Variants in DCDC1 observed in about 807,000 individuals in gnomAD.
DCDC1 encodes the protein doublecortin domain containing 1.
DCDC1 carries 200 observed loss-of-function variants against 178.3 expected under a neutral mutation model. That is an observed-to-expected ratio of 1.12 (90% CI 1.00 to 1.26). The LOEUF (loss-of-function observed/expected upper bound fraction) is 1.26, where lower values mean the gene tolerates loss of function less well. Among genes scored for constraint, DCDC1 ranks in the 50% most tolerant of loss-of-function variants. The pLI, the probability that DCDC1 is intolerant of heterozygous loss-of-function variation, is 0.00. For synonymous variants in DCDC1, 690 were observed against 604.8 expected (o/e 1.14, Z -2.07); for missense variants, 1,983 against 1,749.2 (o/e 1.13, Z -2.38).
At chr11:31,244,192 C>T (rs1352455680) in intron 8 of DCDC1, among the ~76,000 whole-genome samples, 1 of 151,658 alleles carries the variant, frequency 6.6e-6, no homozygotes, top group African/African-American at 2.4e-5. Context: ...AAAGGAGCCT[C>T]GGCCTAAAAC....
At position 30,953,650 on chromosome 11, in the gene DCDC1, C is replaced by T. The variant is rs543431782; in HGVS notation, c.2592-1082G>A. ...GAAAGTAGACCCTCAGCAGAATGGT[C>T]CAAAGAAGTGTTTTTCAGTTTGGCA... On this transcript the variant is annotated intron_variant, in intron 20 of 38. Coordinates refer to ENST00000684477, the MANE Select transcript of DCDC1 (RefSeq NM_001387274.1). Among the ~76,000 whole-genome samples the T allele has an allele frequency of 2.0e-5, 3 of 152,122 alleles. No individual in the cohort carries two copies. In the South Asian group the frequency reaches 6.2e-4, roughly 32 times the overall value.
chr11:31,260,940 T>C (rs918721625), intron 8 of DCDC1, among the ~76,000 whole-genome samples: 2 of 152,172 alleles, frequency 1.3e-5, no homozygotes, highest in African/African-American at 4.8e-5. Flanking sequence ...AGAAGTTTGG[T>C]TAATAAATAT....
intron 2 of DCDC1, among the ~76,000 whole-genome samples, chr11:31,331,014 C>G (rs1949951949): frequency 6.6e-6 from 1 of 152,178 alleles, no homozygotes; most frequent in Non-Finnish European, 1.5e-5. Context: ...TTGATTCTTC[C>G]TATCCATGAG....
chr11:31,139,933 C>A (rs1963612483), intron 9 of DCDC1, among the ~76,000 whole-genome samples: 1 of 152,202 alleles, frequency 6.6e-6, no homozygotes, highest in Non-Finnish European at 1.5e-5. Flanking sequence ...AGGATACACA[C>A]ATGGGTCCTT....
At chr11:31,218,335 A>G (rs545713771) in intron 9 of DCDC1, among the ~76,000 whole-genome samples, 1 of 152,276 alleles carries the variant, frequency 6.6e-6, no homozygotes, top group South Asian at 2.1e-4. Context: ...TTTTCTCTTG[A>G]TACTCTAAGA....
At chr11:31,196,098 T>C (rs1412846662) in intron 9 of DCDC1, among the ~76,000 whole-genome samples, 1 of 151,972 alleles carries the variant, frequency 6.6e-6, no homozygotes, top group Non-Finnish European at 1.5e-5. Context: ...CTCTCAACTT[T>C]TCCTTCCTGT....
intron 8 of DCDC1, among the ~76,000 whole-genome samples, chr11:31,247,773 G>A (rs187611565): frequency 1.3e-5 from 2 of 152,094 alleles, no homozygotes; most frequent in Admixed American, 1.3e-4. Context: ...ATTTATACAA[G>A]TAGAAATAAG....
intron 26 of DCDC1, 104 bp from the exon 27 acceptor site, chr11:30,915,815 G>A (rs960850800): frequency 3.2e-5 from 36 of 1,109,588 alleles, no homozygotes; most frequent in East Asian, 1.3e-4. Flanking sequence ...GAGCTCCAAC[G>A]TGAAACACGT....
chr11:31,118,822 G>A (rs867743325), intron 11 of DCDC1, among the ~76,000 whole-genome samples: 122 of 152,324 alleles, frequency 8.0e-4, no homozygotes, highest in African/African-American at 2.9e-3. Context: ...GGGAAAGCCT[G>A]TCTCATTATA....
chr11:31,191,220 T>C (rs1303960772), intron 9 of DCDC1, among the ~76,000 whole-genome samples: 1 of 152,078 alleles, frequency 6.6e-6, no homozygotes, highest in Non-Finnish European at 1.5e-5. Flanking sequence ...TTTCTAACAA[T>C]TTTTGATCCA....
intron 20 of DCDC1, among the ~76,000 whole-genome samples, chr11:31,054,767 A>G (rs1955478210): frequency 6.6e-6 from 1 of 152,248 alleles, no homozygotes; most frequent in Non-Finnish European, 1.5e-5. Flanking sequence ...TGGTGCTGGG[A>G]TAAGTGGCTA....
intron 20 of DCDC1, among the ~76,000 whole-genome samples, chr11:31,061,202 G>A (rs1007985034): frequency 6.6e-6 from 1 of 152,108 alleles, no homozygotes; most frequent in Non-Finnish European, 1.5e-5. Context: ...AGGTCACTGG[G>A]TGACAAGCTG....
At chr11:31,352,354 T>C (rs1009033510) in intron 1 of DCDC1, among the ~76,000 whole-genome samples, 1 of 152,150 alleles carries the variant, frequency 6.6e-6, no homozygotes, top group South Asian at 2.1e-4. Flanking sequence ...ATTTAAATAA[T>C]GATATACAAG....
At chr11:31,173,515 TAG>T (rs1967533157) in intron 9 of DCDC1, among the ~76,000 whole-genome samples, 1 of 152,154 alleles carries the variant, frequency 6.6e-6, no homozygotes, top group African/African-American at 2.4e-5. Context: ...TTGTATAAAT[TAG>T]AGAGTTTCCA....
chr11:31,047,071 C>A (rs113824798), intron 20 of DCDC1, among the ~76,000 whole-genome samples: 9 of 152,060 alleles, frequency 5.9e-5, no homozygotes, highest in Admixed American at 4.6e-4. Context: ...TGTGAGGTGG[C>A]GTATCCTCAT....
chr11:31,347,763 C>T (rs1950887402), intron 1 of DCDC1, among the ~76,000 whole-genome samples: 1 of 152,044 alleles, frequency 6.6e-6, no homozygotes, highest in African/African-American at 2.4e-5. Flanking sequence ...GGGTCAAAGG[C>T]ACATACTTGA....
chr11:31,064,145 C>T (rs1956120696), intron 20 of DCDC1, among the ~76,000 whole-genome samples: 1 of 152,088 alleles, frequency 6.6e-6, no homozygotes, highest in Non-Finnish European at 1.5e-5. Context: ...TTCAACATAG[C>T]TTGGTATTTT....
At chr11:30,913,867 T>C (rs1945633800) in intron 27 of DCDC1, among the ~76,000 whole-genome samples, 1 of 152,200 alleles carries the variant, frequency 6.6e-6, no homozygotes, top group Non-Finnish European at 1.5e-5. Context: ...CACATTCTCA[T>C]TCCCCATGCA....
chr11:30,971,682 TCA>T (rs1949804364), intron 20 of DCDC1, among the ~76,000 whole-genome samples: 1 of 141,664 alleles, frequency 7.1e-6, no homozygotes, highest in African/African-American at 2.7e-5. Flanking sequence ...CGATCTTGGC[TCA>T]CCGCAAGCTC....
Sources: gnomAD v4.1 joint callset for allele counts (sites outside exome capture counted in the v4.1 genomes callset) on GRCh38, gnomAD v4.1.1 for gene constraint, MANE v1.5 for transcripts, NCBI Gene and HGNC (gene_info 2026-07-23, HGNC 2026-07-21) for gene names.